Variants in ADGRV1 observed in about 807,000 individuals in gnomAD.
ADGRV1 encodes G-protein coupled receptor 98.
Under a neutral mutation model 596.2 loss-of-function variants are expected in ADGRV1, and 359 were observed. That is an observed-to-expected ratio of 0.60 (90% CI 0.55 to 0.66). The LOEUF is 0.66. ADGRV1 is among the 30% of genes least tolerant of loss of function. ADGRV1 has a pLI of 0.00. For synonymous variants in ADGRV1, 2,681 were observed against 2,679.2 expected, an observed-to-expected ratio of 1.00 and a Z score of -0.02; for missense variants, 7,274 against 7,575.6, an observed-to-expected ratio of 0.96 and a Z score of 1.48.
intron 58 of ADGRV1, among the ~76,000 whole-genome samples, chr5:90,760,307 T>A (rs2150001769): frequency 6.6e-6 from 1 of 151,846 alleles, no homozygotes; most frequent in African/African-American, 2.4e-5. Context: ...AAGAAAGTCT[T>A]CATTACCCTT....
chr5:90,859,252 C>T (rs1180110372), intron 82 of ADGRV1, among the ~76,000 whole-genome samples: 1 of 152,118 alleles, frequency 6.6e-6, no homozygotes, highest in Non-Finnish European at 1.5e-5. Context: ...GCTTGAGTTA[C>T]AGCTGTGAGT....
intron 9 of ADGRV1, chr5:90,629,826 T>G (rs901594911): frequency 4.3e-6 from 1 of 235,140 alleles, no homozygotes; most frequent in African/African-American, 2.2e-5. Flanking sequence ...ATGGATGACA[T>G]AGTAGAGTAA....
intron 67 of ADGRV1, among the ~76,000 whole-genome samples, chr5:90,786,491 A>G (rs1759467102): frequency 6.6e-6 from 1 of 152,230 alleles, no homozygotes; most frequent in African/African-American, 2.4e-5. Flanking sequence ...CTTTTAAAGC[A>G]GCTCATTTAA....
rs73181619 is a variant in ADGRV1 at position 90,622,190 on chromosome 5, G to C, written c.454-407G>C. 8.6e-3 allele frequency among the ~76,000 whole-genome samples: 1,312 copies of C among 152,330 alleles called. 13 individuals carry two copies. The highest frequency in any genetic ancestry group is 0.023 in the African/African-American group (949 of 41,590). On this transcript the variant is annotated intron_variant, in intron 4 of 89. Transcript: ENST00000405460. ...TGACAAGCTGGCTGATGTGGAGAAAGAGTGGTTGTGGACAAGGCCAAGTGG... is the reference window on the plus strand; with the variant it reads ...TGACAAGCTGGCTGATGTGGAGAAACAGTGGTTGTGGACAAGGCCAAGTGG...
intron 83 of ADGRV1, among the ~76,000 whole-genome samples, chr5:90,902,079 C>A (rs1771901030): frequency 6.6e-6 from 1 of 152,050 alleles, no homozygotes. Context: ...GTAAAGCTAA[C>A]AGGACTTACT....
At chr5:91,061,437 T>A (rs1017833540) in intron 85 of ADGRV1, among the ~76,000 whole-genome samples, 1 of 152,216 alleles carries the variant, frequency 6.6e-6, no homozygotes, top group Admixed American at 6.5e-5. Context: ...GCCTTTGGAA[T>A]TATATGTAAA....
intron 85 of ADGRV1, among the ~76,000 whole-genome samples, chr5:91,035,869 A>AATATG (rs1403419588): frequency 6.6e-5 from 8 of 120,508 alleles, no homozygotes; most frequent in African/African-American, 2.4e-4. Flanking sequence ...TATTATATAT[A>AATATG]TATATATATA....
At chr5:91,097,773 G>A (rs1791003822) in intron 86 of ADGRV1, among the ~76,000 whole-genome samples, 1 of 151,890 alleles carries the variant, frequency 6.6e-6, no homozygotes, top group Non-Finnish European at 1.5e-5. Context: ...CATTCTAGTG[G>A]GTATGAAATG....
At chr5:90,612,097 T>C (rs1306814302) in intron 1 of ADGRV1, among the ~76,000 whole-genome samples, 1 of 152,064 alleles carries the variant, frequency 6.6e-6, no homozygotes, top group Non-Finnish European at 1.5e-5. Context: ...CAAAACTCAC[T>C]GATGGGGACC....
chr5:90,848,974 G>C (rs1401352951), intron 79 of ADGRV1, among the ~76,000 whole-genome samples, 153 bp downstream of exon 79: 1 of 152,110 alleles, frequency 6.6e-6, no homozygotes, highest in Non-Finnish European at 1.5e-5. Flanking sequence ...TTAATTATTT[G>C]AAGGAAACAT....
rs1754490851 is a variant in ADGRV1, at chr5:90,745,318, G to A, written c.10769+53G>A. 8 of 1,116,332 alleles carry A rather than the reference G, an allele frequency of 7.2e-6. No individual in the cohort carries two copies. The South Asian group carries it at 1.3e-4, about 18-fold the overall frequency. The allele number at this position is 1,116,332 out of a possible 1,614,324, so 69.2% of individuals were successfully genotyped here. A position where few individuals can be genotyped will look rare whatever the true frequency, so the allele number is the denominator to read the frequency against. On this transcript the variant is annotated intron_variant, in intron 51 of 89. Transcript: ENST00000405460. ...CTTTATGTTCACTGTAATTTTGTAT[G>A]ACAGCTCATTTCCAAGTCATTATTT...
intron 1 of ADGRV1, among the ~76,000 whole-genome samples, chr5:90,590,615 C>T (rs1429302035): frequency 3.9e-5 from 6 of 152,176 alleles, no homozygotes; most frequent in African/African-American, 9.7e-5. Context: ...CACATTTCTA[C>T]TCCATTCTTT....
intron 1 of ADGRV1, among the ~76,000 whole-genome samples, chr5:90,583,375 G>GA (rs1758321371): frequency 1.3e-5 from 2 of 151,816 alleles, no homozygotes; most frequent in Non-Finnish European, 2.9e-5. Flanking sequence ...ACATGAGTTT[G>GA]AAAAAAACAT....
At chr5:90,959,910 TG>T (rs1777827856) in intron 83 of ADGRV1, among the ~76,000 whole-genome samples, 1 of 151,944 alleles carries the variant, frequency 6.6e-6, no homozygotes, top group Non-Finnish European at 1.5e-5. Flanking sequence ...GAGGCTAAGG[TG>T]GGCAGATCAC....
intron 52 of ADGRV1, among the ~76,000 whole-genome samples, chr5:90,749,180 T>C (rs1200513192): frequency 6.6e-6 from 1 of 152,218 alleles, no homozygotes; most frequent in African/African-American, 2.4e-5. Context: ...ATTACTGTTA[T>C]TCAATACTTG....
At position 90,938,947 on chromosome 5, in the gene ADGRV1, A is replaced by G. The variant is rs1026018370; in HGVS notation, c.17857-26468A>G. Among the ~76,000 whole-genome samples, 9 of 152,304 alleles carry G rather than the reference A, an allele frequency of 5.9e-5. No individual in the cohort carries two copies. In the South Asian group the frequency reaches 1.0e-3, roughly 18 times the overall value. On this transcript the variant is annotated intron_variant, in intron 83 of 89. Coordinates refer to ENST00000405460, the MANE Select transcript of ADGRV1 (RefSeq NM_032119.4). ...CTGCCACAAGAAATCCTAACCACAT[A>G]CATATATACTTGTGTTTCTCTATTT... is the stretch of plus-strand genomic sequence containing the variant.
chr5:90,680,699 A>G (rs1042917258), intron 26 of ADGRV1, among the ~76,000 whole-genome samples: 1 of 152,196 alleles, frequency 6.6e-6, no homozygotes, highest in African/African-American at 2.4e-5. Flanking sequence ...TTACACTATT[A>G]CTTTTAGAAT....
intron 43 of ADGRV1, chr5:90,717,729 T>G (rs1750337607): frequency 6.6e-6 from 1 of 152,118 alleles, no homozygotes; most frequent in Admixed American, 6.5e-5. Context: ...ATGGTCTCGA[T>G]CTCCTGACCT....
In ADGRV1 at chr5:90,724,943, C is replaced by T. The variant is rs1169367531; in HGVS notation, c.9860C>T (p.Ser3287Leu). The T allele has an allele frequency of 5.6e-6, 9 of 1,609,328 alleles. No individual in the cohort carries two copies. The highest frequency in any genetic ancestry group is 6.8e-6 in the Non-Finnish European group (8 of 1,177,452). Residue 3287 changes from serine to leucine, a missense_variant, in exon 46 of 90, where the codon TCA becomes TTA. Ser to Leu is a moderately radical substitution (Grantham distance 145, BLOSUM62 -2). This residue lies in a region of ADGRV1 where 3,643 missense variants were observed against 3,809.2 expected (regional missense o/e 0.96). Transcript: ENST00000405460. Reference sequence around the variant, plus strand: ...ATATATGGTATAATGTTAAGAAAATCATCTGTTACTGTTTACCGATGGCAG... The same window carrying T: ...ATATATGGTATAATGTTAAGAAAATTATCTGTTACTGTTTACCGATGGCAG... ...NLIYGIMLRK[S>L]SVTVYRWQGI...
Sources: gnomAD v4.1 joint callset for allele counts (sites outside exome capture counted in the v4.1 genomes callset) on GRCh38, gnomAD v4.1.1 for gene constraint, gnomAD v4.1.1 regional missense constraint, MANE v1.5 for transcripts, NCBI Gene and HGNC (gene_info 2026-07-23, HGNC 2026-07-21) for gene names.